ISY1: variants seen among roughly 807,000 people sequenced by gnomAD.
ISY1 encodes pre-mRNA-splicing factor ISY1 homolog.
Under a neutral mutation model 54.4 loss-of-function variants are expected in ISY1, and 12 were observed. The ratio of observed to expected loss-of-function variants is 0.22; its 90% CI spans 0.14 to 0.36. The LOEUF is 0.36. Ranked by LOEUF, ISY1 falls within the 10% of genes least tolerant of loss-of-function variation. ISY1 has a pLI of 1.00. For missense variants in ISY1, 282 were observed against 342.2 expected (o/e 0.82, Z 1.39); for synonymous variants, 96 against 117.9 (o/e 0.81, Z 1.20).
At chr3:129,151,671 G>A (rs2107616235) in intron 5 of ISY1, among the ~76,000 whole-genome samples, 1 of 152,222 alleles carries the variant, frequency 6.6e-6, no homozygotes, top group South Asian at 2.1e-4. Flanking sequence ...TTACAATAAA[G>A]ACAGTTTTAC....
intron 1 of ISY1, 151 bp downstream of exon 1, chr3:129,160,822 G>T: frequency 1.0e-6 from 1 of 997,824 alleles, no homozygotes; most frequent in Non-Finnish European, 1.5e-6. Flanking sequence ...GCTAATGGAG[G>T]CAGGAAGAGA....
intron 9 of ISY1, 155 bp from the exon 10 acceptor site, chr3:129,130,791 A>G (rs1386733781): frequency 2.7e-6 from 2 of 752,812 alleles, no homozygotes; most frequent in Non-Finnish European, 4.1e-6. Context: ...AAGATTAAGT[A>G]AAAAAAGCCA....
chr3:129,136,503 T>C (rs1312146078), intron 7 of ISY1, among the ~76,000 whole-genome samples: 3 of 151,802 alleles, frequency 2.0e-5, no homozygotes, highest in Admixed American at 2.0e-4. Context: ...TCCCAGCATG[T>C]TTTTTTCTTT....
chr3:129,130,262 A>G (rs1675844462), intron 10 of ISY1, 74 bp from the exon 11 acceptor site: 3 of 1,508,554 alleles, frequency 2.0e-6, no homozygotes, highest in African/African-American at 1.4e-5. Flanking sequence ...GCCAGGAGGA[A>G]GTCCCCGTGG....
intron 5 of ISY1, among the ~76,000 whole-genome samples, chr3:129,149,322 G>C (rs1207756344): frequency 2.0e-5 from 3 of 150,690 alleles, no homozygotes; most frequent in Non-Finnish European, 4.4e-5. Context: ...CCAGCTACTT[G>C]GGAGGCTGAG....
intron 1 of ISY1, 53 bp downstream of exon 1, chr3:129,160,920 C>CGGGGGGGGGGGGGGGGGGGGGGGG: frequency 1.9e-6 from 1 of 535,100 alleles, no homozygotes; most frequent in Non-Finnish European, 3.5e-6. Context: ...GACTGGGCGC[C>CGGGGGGGGGGGGGGGGGGGGGGGG]CCCCCGCCCG....
chr3:129,131,170 C>T (rs1282373014), intron 9 of ISY1, among the ~76,000 whole-genome samples: 1 of 152,216 alleles, frequency 6.6e-6, no homozygotes, highest in East Asian at 1.9e-4. Flanking sequence ...CCCTGACTGG[C>T]TCCCAGTGGG....
At position 129,134,163 on chromosome 3, in the gene ISY1, C is replaced by T. The variant is rs1936322942; in HGVS notation, c.574G>A (p.Glu192Lys). 1.2e-6 allele frequency: 2 copies of T among 1,614,096 alleles called. No individual in the cohort carries two copies. Among genetic ancestry groups the T allele is most frequent in the Admixed American group, 1.7e-5 (1 of 59,994 alleles). ...RAELVEKWKA[E>K]REARLARGEK... ...CCTCTTGCCAGCCGAGCCTCTCTCT[C>T]TGCTTTCCACTTTTCCACTAACTCG... The change falls in exon 9 of 11, where the codon GAG (glutamate) becomes AAG (lysine). Residue 192 changes from glutamate to lysine, a missense_variant. Glu to Lys is a moderately conservative substitution (Grantham distance 56). This residue lies in a region of ISY1 where 279 missense variants were observed against 323.6 expected (regional missense o/e 0.86). Coordinates refer to ENST00000393295, the MANE Select transcript of ISY1 (RefSeq NM_020701.4).
intron 5 of ISY1, among the ~76,000 whole-genome samples, chr3:129,153,141 C>A (rs1242458024): frequency 6.6e-6 from 1 of 151,716 alleles, no homozygotes; most frequent in Non-Finnish European, 1.5e-5. Context: ...TCCCAAGTAG[C>A]TAGGATTACA....
chr3:129,133,187 A>T (rs1323509481), intron 9 of ISY1, among the ~76,000 whole-genome samples: 1 of 152,266 alleles, frequency 6.6e-6, no homozygotes, highest in Non-Finnish European at 1.5e-5. Flanking sequence ...TAGAAAAAAT[A>T]AAAGGTGTAG....
intron 5 of ISY1, among the ~76,000 whole-genome samples, chr3:129,147,215 A>G (rs1936793271): frequency 6.6e-6 from 1 of 151,908 alleles, no homozygotes; most frequent in Non-Finnish European, 1.5e-5. Flanking sequence ...TGTCTCTACT[A>G]AAAATACAAA....
chr3:129,130,751 T>C, intron 9 of ISY1, 115 bp from the exon 10 acceptor site: 1 of 1,136,966 alleles, frequency 8.8e-7, no homozygotes. Flanking sequence ...CTAAGAAAGT[T>C]CTATACTTAT....
chr3:129,138,764 G>A (rs1269881074), intron 7 of ISY1, among the ~76,000 whole-genome samples: 10 of 148,510 alleles, frequency 6.7e-5, no homozygotes, highest in African/African-American at 2.0e-4. Flanking sequence ...GCAGTGAGCC[G>A]AGATTGCACA....
intron 8 of ISY1, 87 bp from the exon 9 acceptor site, chr3:129,134,282 A>C: frequency 6.9e-6 from 11 of 1,589,410 alleles, no homozygotes; most frequent in Non-Finnish European, 8.6e-6. Flanking sequence ...CTATGCAGGG[A>C]AAGTCTAGAC....
At chr3:129,157,947 G>A (rs1235587840) in intron 3 of ISY1, among the ~76,000 whole-genome samples, 14 of 151,988 alleles carry the variant, frequency 9.2e-5, no homozygotes, top group African/African-American at 3.4e-4. Context: ...TGCAACCTCC[G>A]TCTCCAGGGC....
rs1936347162 is a variant in ISY1, at chr3:129,134,961, G to C, written c.419-7C>G. 2.5e-6 allele frequency: 4 copies of C among 1,600,700 alleles called. No homozygotes were observed. The highest frequency in any genetic ancestry group is 3.4e-6 in the Non-Finnish European group (4 of 1,172,756). ...TTTCTGGGAGGAGGAAGAGCTATAAGAAACAGAAATGGAGCTGAGTTTCCA... is the reference window on the plus strand; with the variant it reads ...TTTCTGGGAGGAGGAAGAGCTATAACAAACAGAAATGGAGCTGAGTTTCCA... On this transcript the variant is annotated splice_polypyrimidine_tract_variant and splice_region_variant and intron_variant, in intron 7 of 10. Transcript: ENST00000393295.
chr3:129,159,358 C>T (rs1004529657), intron 1 of ISY1, among the ~76,000 whole-genome samples, 182 bp from the exon 2 acceptor site: 3 of 152,180 alleles, frequency 2.0e-5, no homozygotes, highest in South Asian at 2.1e-4. Context: ...GGCTGCTCCT[C>T]CCTCTACTTA....
intron 7 of ISY1, among the ~76,000 whole-genome samples, chr3:129,139,964 T>C (rs1009915109): frequency 3.3e-5 from 5 of 152,178 alleles, no homozygotes; most frequent in Non-Finnish European, 5.9e-5. Context: ...ATTTTTACAT[T>C]TAGGGTTTGG....
intron 3 of ISY1, among the ~76,000 whole-genome samples, chr3:129,157,329 G>A (rs1421599365): frequency 6.6e-6 from 1 of 152,006 alleles, no homozygotes. Flanking sequence ...ATTTGGGTGA[G>A]TCTCTAAGAA....
Sources: gnomAD v4.1 joint callset for allele counts (sites outside exome capture counted in the v4.1 genomes callset) on GRCh38, gnomAD v4.1.1 for gene constraint, gnomAD v4.1.1 regional missense constraint, MANE v1.5 for transcripts, NCBI Gene and HGNC (gene_info 2026-07-23, HGNC 2026-07-21) for gene names.